ALG12: variants seen among roughly 807,000 people sequenced by gnomAD.
The protein encoded by ALG12 is ALG12 alpha-1,6-mannosyltransferase, also known as dol-P-Man:Man(7)GlcNAc(2)-PP-Dol alpha-1,6-mannosyltransferase.
ALG12 carries 36 observed loss-of-function variants against 46.0 expected under a neutral mutation model. The observed-to-expected ratio is 0.78, with a 90% CI of 0.60 to 1.03. The LOEUF (loss-of-function observed/expected upper bound fraction) is 1.03, where lower values mean the gene tolerates loss of function less well. Ranked by LOEUF, ALG12 falls within the 50% of genes least tolerant of loss-of-function variation. The pLI is 0.00. For synonymous variants in ALG12, 326 were observed against 291.6 expected, an observed-to-expected ratio of 1.12 and a Z score of -1.20; for missense variants, 599 against 633.5, an observed-to-expected ratio of 0.95 and a Z score of 0.58.
Position 49,903,789 on chromosome 22 carries a change from A to C in ALG12, c.*49T>G. ...GGAATTGTGCCAGAAACTGGTAGTG[A>C]TAACAGCTCCTGGAAGGCCTGTGGC... On this transcript the variant is annotated 3_prime_UTR_variant, in exon 10 of 10. Transcript: ENST00000330817. The C allele has an allele frequency of 6.3e-7, 1 of 1,588,466 alleles. No individual in the cohort carries two copies. Among genetic ancestry groups the C allele is most frequent in the Non-Finnish European group, 8.6e-7 (1 of 1,156,932 alleles).
In ALG12 at chr22:49,902,066, T is replaced by C. The variant is rs1238292574; in HGVS notation, c.*1772A>G. 1 of 90,126 alleles carries C rather than the reference T, an allele frequency of 1.1e-5. No homozygotes were observed. The highest frequency in any genetic ancestry group is 1.8e-5 in the Non-Finnish European group (1 of 55,062). The allele number at this position is 90,126 out of a possible 1,614,324, so 5.6% of individuals were successfully genotyped here. A position where few individuals can be genotyped will look rare whatever the true frequency, so the allele number is the denominator to read the frequency against. On this transcript the variant is annotated 3_prime_UTR_variant, in exon 10 of 10. Coordinates refer to ENST00000330817, the MANE Select transcript of ALG12 (RefSeq NM_024105.4). Reference sequence around the variant, plus strand: ...CATGGTAACGTACACGTGTGCACTGTGTGTGGTGTGCATGCATGGTGTGTG... The same window carrying C: ...CATGGTAACGTACACGTGTGCACTGCGTGTGGTGTGCATGCATGGTGTGTG...
the ALG12 span, chr22:49,886,836 T>C: frequency 6.2e-7 from 1 of 1,614,020 alleles, no homozygotes; most frequent in Non-Finnish European, 8.5e-7. This position sits in a 1 kb window ranked among gnomAD's most constrained non-coding sequence, Gnocchi z 7.7. Flanking sequence ...CGAAAGACTC[T>C]GCCGCAGAGG....
At chr22:49,869,121 C>CAA in the ALG12 span, among the ~76,000 whole-genome samples, 5,291 of 93,280 alleles carry the variant, frequency 0.057, 359 homozygotes, top group African/African-American at 0.16. Flanking sequence ...AAAACTGTCT[C>CAA]AAAAAAAAAA....
intron 6 of ALG12, among the ~76,000 whole-genome samples, chr22:49,908,373 CA>C (rs200701432): frequency 0.078 from 11,740 of 150,176 alleles, 624 homozygotes; most frequent in South Asian, 0.12. Flanking sequence ...ACTACAAATA[CA>C]AAAATTAGCT....
At chr22:49,886,402 G>A in the ALG12 span, 160 of 1,605,506 alleles carry the variant, frequency 1.0e-4, no homozygotes, top group Admixed American at 3.7e-4. This position sits in a 1 kb window ranked among gnomAD's most constrained non-coding sequence, Gnocchi z 7.7. Flanking sequence ...CGAGATGTCC[G>A]TCGAGTGTAA....
chr22:49,915,660 GC>G (rs2060605369), intron 1 of ALG12, among the ~76,000 whole-genome samples: 1 of 152,192 alleles, frequency 6.6e-6, no homozygotes, highest in African/African-American at 2.4e-5. Flanking sequence ...CTGAGGGAGG[GC>G]CCACTCAGCT....
chr22:49,877,210 T>G, the ALG12 span, among the ~76,000 whole-genome samples: 7 of 148,298 alleles, frequency 4.7e-5, no homozygotes, highest in Non-Finnish European at 6.0e-5. Flanking sequence ...GAAGTCTTGC[T>G]TTTTTATTCA....
At position 49,901,390 on chromosome 22, in the gene ALG12, C is replaced by G. The variant is rs898135025; in HGVS notation, c.*2448G>C. 6.6e-6 allele frequency: 1 copy of G among 152,316 alleles called. No individual in the cohort carries two copies. The highest frequency in any genetic ancestry group is 2.4e-5 in the African/African-American group (1 of 41,474). The allele number at this position is 152,316 out of a possible 1,614,324, so 9.4% of individuals were successfully genotyped here. A position where few individuals can be genotyped will look rare whatever the true frequency, so the allele number is the denominator to read the frequency against. On this transcript the variant is annotated 3_prime_UTR_variant, in exon 10 of 10. Coordinates refer to ENST00000330817, the MANE Select transcript of ALG12 (RefSeq NM_024105.4). ...AGGTGGAGAGGCAGCCCCAGGGCAC[C>G]TGGGCAACAGCCACAAGCTCTCAAA... is the stretch of plus-strand genomic sequence containing the variant.
Position 49,907,964 on chromosome 22 carries a change from G to A in ALG12, c.769-20C>T. Reference sequence around the variant, plus strand: ...GGAGGTCTGCGGGCTGGGTTAAGGAGGCCACGCACCTGTCCACGCATGAGC... The same window carrying A: ...GGAGGTCTGCGGGCTGGGTTAAGGAAGCCACGCACCTGTCCACGCATGAGC... On this transcript the variant is annotated intron_variant, in intron 6 of 9. Coordinates refer to ENST00000330817, the MANE Select transcript of ALG12 (RefSeq NM_024105.4). The A allele has an allele frequency of 1.2e-6, 2 of 1,608,998 alleles. No homozygotes were observed. Among genetic ancestry groups the A allele is most frequent in the Non-Finnish European group, 1.7e-6 (2 of 1,179,298 alleles).
At chr22:49,881,032 T>G in the ALG12 span, among the ~76,000 whole-genome samples, 1,551 of 152,344 alleles carry the variant, frequency 0.01, 25 homozygotes, top group African/African-American at 0.036. Flanking sequence ...TTTTGGACAT[T>G]ATATGTGGAA....
downstream of ALG12, among the ~76,000 whole-genome samples, chr22:49,897,663 C>CTTTT (rs146468551): frequency 4.8e-4 from 50 of 103,622 alleles, 1 homozygote; most frequent in African/African-American, 1.1e-3. Flanking sequence ...CCCATGTTTT[C>CTTTT]TTTTTTTTTT....
chr22:49,914,821 A>C (rs1204134985), intron 1 of ALG12, among the ~76,000 whole-genome samples: 2 of 152,242 alleles, frequency 1.3e-5, no homozygotes, highest in African/African-American at 4.8e-5. Context: ...CTGCAGCCTC[A>C]AACTCCTGGG....
At chr22:49,883,700 G>C in the ALG12 span, 1 of 1,602,232 alleles carries the variant, frequency 6.2e-7, no homozygotes, top group African/African-American at 1.3e-5. Flanking sequence ...AAAGAGGACG[G>C]TGATTTCGTT....
Position 49,904,246 on chromosome 22 carries a change from G to A in ALG12, c.1171C>T (p.Leu391=), listed in dbSNP as rs764534900. 5.6e-6 allele frequency: 9 copies of A among 1,614,108 alleles called. No homozygotes were observed. In the East Asian group the frequency reaches 6.7e-5, roughly 12 times the overall value. Residue 391 remains leucine, a synonymous_variant, in exon 9 of 10, where the codon CTG becomes TTG. Transcript: ENST00000330817. ...TGGGCGGCTGCCACGTCAATGTGCA[G>A]AAGGACGTCTAGGAAAACCAGGCCT... ...QLVPPQTDVL[L]HIDVAAAQTG...
At chr22:49,877,198 A>T in the ALG12 span, among the ~76,000 whole-genome samples, 1 of 149,630 alleles carries the variant, frequency 6.7e-6, no homozygotes, top group African/African-American at 2.4e-5. Flanking sequence ...GGCAGCATAT[A>T]GGAAGTCTTG....
Position 49,902,742 on chromosome 22 carries a change from C to T in ALG12, c.*1096G>A, listed in dbSNP as rs1447794268. 4 of 75,162 alleles carry T rather than the reference C, an allele frequency of 5.3e-5. No individual in the cohort carries two copies. Among genetic ancestry groups the T allele is most frequent in the Admixed American group, 3.7e-4 (3 of 8,042 alleles). The allele number at this position is 75,162 out of a possible 1,614,324, so 4.7% of individuals were successfully genotyped here. A position where few individuals can be genotyped will look rare whatever the true frequency, so the allele number is the denominator to read the frequency against. On this transcript the variant is annotated 3_prime_UTR_variant, in exon 10 of 10. Transcript: ENST00000330817. ...GTGTGTGGATGCATGGTAATGTGCA[C>T]GTGTGCACTGTGTGTGGTGTGTATG...
the ALG12 span, chr22:49,886,139 A>G: frequency 5.8e-6 from 4 of 686,912 alleles, no homozygotes; most frequent in Non-Finnish European, 1.1e-5. This position sits in a 1 kb window ranked among gnomAD's most constrained non-coding sequence, Gnocchi z 7.7. Flanking sequence ...TCGAGCGTGC[A>G]GTGCTTCAGC....
chr22:49,913,865 C>T, intron 1 of ALG12, 22 bp from the exon 2 acceptor site: 3 of 1,536,346 alleles, frequency 2.0e-6, no homozygotes, highest in Non-Finnish European at 2.7e-6. Context: ...GAAACAGATT[C>T]CTGAGGTTCG....
chr22:49,884,366 T>C, the ALG12 span: 1 of 1,612,850 alleles, frequency 6.2e-7, no homozygotes, highest in Non-Finnish European at 8.5e-7. Context: ...TCTGAAGAAA[T>C]CTCCTCTGAC....
Sources: gnomAD v4.1 joint callset for allele counts (sites outside exome capture counted in the v4.1 genomes callset) on GRCh38, gnomAD v4.1.1 for gene constraint, Gnocchi (gnomAD v3.1) non-coding constraint, MANE v1.5 for transcripts, NCBI Gene and HGNC (gene_info 2026-07-23, HGNC 2026-07-21) for gene names.